Variants in ABCD3 observed in about 807,000 individuals in gnomAD.
ABCD3 encodes the protein ATP binding cassette subfamily D member 3, also known as ATP-binding cassette sub-family D member 3.
ABCD3 carries 41 observed loss-of-function variants against 105.5 expected under a neutral mutation model. That is an observed-to-expected ratio of 0.39 (90% CI 0.30 to 0.50). The LOEUF is 0.50. ABCD3 is among the 20% of genes least tolerant of loss of function. The pLI is 0.84. For missense variants in ABCD3, 622 were observed against 806.3 expected (o/e 0.77, Z 2.77); for synonymous variants, 258 against 269.0 (o/e 0.96, Z 0.40).
intron 1 of ABCD3, among the ~76,000 whole-genome samples, chr1:94,433,863 A>G (rs1052799840): frequency 6.6e-6 from 1 of 150,896 alleles, no homozygotes; most frequent in African/African-American, 2.4e-5. Flanking sequence ...TGGCCAGGCT[A>G]GTCTCGAACT....
intron 8 of ABCD3, 30 bp downstream of exon 8, chr1:94,478,345 T>C: frequency 1.3e-6 from 2 of 1,521,586 alleles, no homozygotes; most frequent in South Asian, 1.1e-5. Context: ...AACTTTTAAA[T>C]TGATATAATA....
intron 4 of ABCD3, chr1:94,472,375 G>A (rs1476323492): frequency 1.0e-5 from 2 of 194,572 alleles, no homozygotes; most frequent in African/African-American, 4.8e-5. Flanking sequence ...GTACTGTCTT[G>A]ATTGCTTAAT....
chr1:94,474,231 G>A (rs934615696), intron 5 of ABCD3, among the ~76,000 whole-genome samples: 2 of 143,002 alleles, frequency 1.4e-5, no homozygotes, highest in South Asian at 4.9e-4. Context: ...TGGGCAGGGG[G>A]CAACTTGGGG....
At chr1:94,402,630 C>T in the ABCD3 span, among the ~76,000 whole-genome samples, 1 of 152,138 alleles carries the variant, frequency 6.6e-6, no homozygotes, top group Non-Finnish European at 1.5e-5. Flanking sequence ...CCAATAATGT[C>T]CTCAACAACG....
At chr1:94,458,738 G>A in intron 2 of ABCD3, 95 bp downstream of exon 2, 1 of 1,267,714 alleles carries the variant, frequency 7.9e-7, no homozygotes, top group East Asian at 2.4e-5. Context: ...TTTATAATTA[G>A]TAGGGAACTT....
At position 94,437,127 on chromosome 1, in the gene ABCD3, G is replaced by T. The variant is rs182353231; in HGVS notation, c.110+18539G>T. ...ATGAAATTGCGAGGTGAAACAGCAA[G>T]TACTGATGTGGAAGCTACAGCAAGT... On this transcript the variant is annotated intron_variant, in intron 1 of 22. Transcript: ENST00000370214. Among the ~76,000 whole-genome samples, 559 of 152,320 alleles carry T rather than the reference G, an allele frequency of 3.7e-3. 1 individual carries two copies. The highest frequency in any genetic ancestry group is 0.013 in the African/African-American group (532 of 41,574).
intron 4 of ABCD3, 52 bp from the exon 5 acceptor site, chr1:94,473,714 T>C (rs1648597082): frequency 7.8e-7 from 1 of 1,282,534 alleles, no homozygotes; most frequent in African/African-American, 1.5e-5. Context: ...GTTTTCCTAG[T>C]GTTAGATTTT....
chr1:94,458,792 A>AAT (rs1647718123), intron 2 of ABCD3, 149 bp downstream of exon 2: 2 of 770,076 alleles, frequency 2.6e-6, no homozygotes, highest in Admixed American at 5.1e-5. Flanking sequence ...TACTCTCTGA[A>AAT]ATAGGACTCC....
At chr1:94,440,810 A>C (rs888720760) in intron 1 of ABCD3, among the ~76,000 whole-genome samples, 5 of 152,108 alleles carry the variant, frequency 3.3e-5, no homozygotes, top group African/African-American at 7.2e-5. Context: ...TTGCTATCCT[A>C]GTTGCTCAGT....
At chr1:94,396,083 C>T in the ABCD3 span, among the ~76,000 whole-genome samples, 1 of 152,146 alleles carries the variant, frequency 6.6e-6, no homozygotes, top group Non-Finnish European at 1.5e-5. Flanking sequence ...TCCTTTCCTT[C>T]TTGGTTATTG....
At chr1:94,464,514 C>T (rs1436870179) in intron 2 of ABCD3, among the ~76,000 whole-genome samples, 1 of 151,830 alleles carries the variant, frequency 6.6e-6, no homozygotes, top group Non-Finnish European at 1.5e-5. Context: ...TTTGCAGTTG[C>T]TATTTCTTCT....
At chr1:94,490,923 A>G (rs1649500827) in intron 15 of ABCD3, among the ~76,000 whole-genome samples, 1 of 152,000 alleles carries the variant, frequency 6.6e-6, no homozygotes, top group Admixed American at 6.6e-5. Flanking sequence ...CTTTGCCAAC[A>G]CTTACCGTTT....
chr1:94,498,567 ATTAC>A (rs1214609431), intron 16 of ABCD3, 31 bp from the exon 17 acceptor site: 1 of 1,598,992 alleles, frequency 6.3e-7, no homozygotes, highest in Non-Finnish European at 8.6e-7. Context: ...ATTTGATTTA[ATTAC>A]TTCACAGACT....
At chr1:94,474,572 A>G (rs1420574091) in intron 5 of ABCD3, among the ~76,000 whole-genome samples, 1 of 152,186 alleles carries the variant, frequency 6.6e-6, no homozygotes. Flanking sequence ...ACTTTTTAAA[A>G]TAAACAATTG....
chr1:94,499,138 G>T, intron 19 of ABCD3, 104 bp downstream of exon 19: 1 of 1,045,262 alleles, frequency 9.6e-7, no homozygotes, highest in Non-Finnish European at 1.5e-6. Context: ...AAGCTGTAAA[G>T]CCTTCCAAAG....
the ABCD3 span, among the ~76,000 whole-genome samples, chr1:94,385,979 T>C: frequency 6.7e-6 from 1 of 149,468 alleles, no homozygotes; most frequent in Admixed American, 6.7e-5. Flanking sequence ...ATACGTACTA[T>C]AGTTTCCAAA....
intron 20 of ABCD3, among the ~76,000 whole-genome samples, chr1:94,503,507 G>A (rs899776460): frequency 3.3e-5 from 5 of 151,864 alleles, no homozygotes. Flanking sequence ...ATCCCCTCCC[G>A]CAGCCCCCAC....
chr1:94,407,056 A>AC, the ABCD3 span, among the ~76,000 whole-genome samples: 5 of 152,166 alleles, frequency 3.3e-5, no homozygotes, highest in African/African-American at 4.8e-5. Flanking sequence ...AACAACAACA[A>AC]AAAACCTCAT....
chr1:94,499,696 T>C lies in ABCD3; in HGVS notation c.1740+82T>C, dbSNP rs561901961. 80 of 1,551,854 alleles carry C rather than the reference T, an allele frequency of 5.2e-5. No individual in the cohort carries two copies. The African/African-American group carries it at 8.9e-4, about 17-fold the overall frequency. ...AATCAGGACACAAAGTTTCATCTTA[T>C]ATTTTTTTATTCAGCAGCTGTTTCA... is the stretch of plus-strand genomic sequence containing the variant. On this transcript the variant is annotated intron_variant, in intron 20 of 22. Coordinates refer to ENST00000370214, the MANE Select transcript of ABCD3 (RefSeq NM_002858.4).
Sources: gnomAD v4.1 joint callset for allele counts (sites outside exome capture counted in the v4.1 genomes callset) on GRCh38, gnomAD v4.1.1 for gene constraint, MANE v1.5 for transcripts, NCBI Gene and HGNC (gene_info 2026-07-23, HGNC 2026-07-21) for gene names.